Variants in TFDP2 observed in about 807,000 individuals in gnomAD.
TFDP2 encodes the protein transcription factor Dp-2, also known as transcription factor Dp-2 (E2F dimerization partner 2).
A neutral mutation model predicts 59.3 loss-of-function variants in TFDP2; 17 were observed. The observed-to-expected ratio is 0.29, with a 90% CI of 0.20 to 0.43. The LOEUF (loss-of-function observed/expected upper bound fraction) is 0.43, where lower values mean the gene tolerates loss of function less well. TFDP2 is among the 20% of genes least tolerant of loss of function. The pLI, the probability that TFDP2 is intolerant of heterozygous loss-of-function variation, is 1.00. For missense variants in TFDP2, 391 were observed against 528.8 expected, an observed-to-expected ratio of 0.74 and a Z score of 2.56; for synonymous variants, 180 against 194.7, an observed-to-expected ratio of 0.92 and a Z score of 0.63.
chr3:142,136,064 G>A (rs559044918), intron 1 of TFDP2, among the ~76,000 whole-genome samples: 10 of 151,950 alleles, frequency 6.6e-5, no homozygotes, highest in African/African-American at 2.4e-4. Flanking sequence ...TCTCCAGCAC[G>A]TTGTTTCCTG....
At chr3:142,139,253 G>C (rs1344350404) in intron 1 of TFDP2, among the ~76,000 whole-genome samples, 3 of 152,044 alleles carry the variant, frequency 2.0e-5, no homozygotes, top group Non-Finnish European at 2.9e-5. Context: ...TTGAGCCCAT[G>C]TGTGTCTCTG....
chr3:142,070,373 G>T (rs773923079), intron 3 of TFDP2, among the ~76,000 whole-genome samples: 65 of 150,658 alleles, frequency 4.3e-4, no homozygotes, highest in Non-Finnish European at 8.3e-4. Context: ...AAACCCCTGG[G>T]CTCAAGCAAT....
chr3:141,966,567 A>G (rs551395394), intron 9 of TFDP2, among the ~76,000 whole-genome samples: 6 of 151,802 alleles, frequency 4.0e-5, no homozygotes, highest in Non-Finnish European at 8.8e-5. Context: ...TTTTGAACTG[A>G]CTTATTTGTT....
chr3:142,000,276 C>T (rs1202225627), intron 4 of TFDP2: 1 of 702,584 alleles, frequency 1.4e-6, no homozygotes, highest in African/African-American at 1.7e-5. Context: ...CTGAGAGGTC[C>T]AAAATGAAAG....
In TFDP2 at chr3:142,035,698, T is replaced by C. The variant is rs544389684; in HGVS notation, c.83-30154A>G. Among the ~76,000 whole-genome samples, 204 of 152,234 alleles carry C rather than the reference T, an allele frequency of 1.3e-3. 1 individual carries two copies. Among genetic ancestry groups the C allele is most frequent in the African/African-American group, 4.5e-3 (185 of 41,544 alleles). On this transcript the variant is annotated intron_variant, in intron 3 of 12. Coordinates refer to ENST00000489671, the MANE Select transcript of TFDP2 (RefSeq NM_001178139.2). ...GTAATTGAATCATGGGGGCAGGTCT[T>C]TCTGGTGCTGTTCTTGTAATGGTAA...
rs1356147528 is a variant in TFDP2 at position 141,968,286 on chromosome 3, A to AAT, written c.732+1785_732+1786dup. On this transcript the variant is annotated intron_variant, in intron 9 of 12. Transcript: ENST00000489671. ...TATATAATTATATATAATATATAAC[A>AAT]ATATATATAATATATAATATATATA... Among the ~76,000 whole-genome samples, 3 of 129,870 alleles carry AAT rather than the reference A, an allele frequency of 2.3e-5. No individual in the cohort carries two copies. In the East Asian group the frequency reaches 6.2e-4, roughly 27 times the overall value. The allele number at this position is 129,870 out of a possible 152,430, so 85.2% of individuals were successfully genotyped here. A position where few individuals can be genotyped will look rare whatever the true frequency, so the allele number is the denominator to read the frequency against.
In TFDP2 at chr3:142,027,185, C is replaced by A. The variant is rs373172751; in HGVS notation, c.83-21641G>T. Reference sequence around the variant, plus strand: ...AAGTTCAACAGAATTAATTTTCTCACATTTTCATTAATTATACAGGCTACA... The same window carrying A: ...AAGTTCAACAGAATTAATTTTCTCAAATTTTCATTAATTATACAGGCTACA... On this transcript the variant is annotated intron_variant, in intron 3 of 12. Coordinates refer to ENST00000489671, the MANE Select transcript of TFDP2 (RefSeq NM_001178139.2). Among the ~76,000 whole-genome samples, 13 of 151,990 alleles carry A rather than the reference C, an allele frequency of 8.6e-5. 1 individual carries two copies. The highest frequency in any genetic ancestry group is 7.7e-4 in the East Asian group (4 of 5,200).
intron 3 of TFDP2, among the ~76,000 whole-genome samples, chr3:142,025,627 T>C (rs1560055347): frequency 6.6e-6 from 1 of 152,232 alleles, no homozygotes; most frequent in South Asian, 2.1e-4. Flanking sequence ...ATCAGAATTG[T>C]AAAAAAAGTT....
At chr3:142,066,368 T>C (rs930747591) in intron 3 of TFDP2, among the ~76,000 whole-genome samples, 10 of 152,164 alleles carry the variant, frequency 6.6e-5, no homozygotes, top group South Asian at 4.1e-4. Flanking sequence ...ATATTGTAAG[T>C]TGGAAATTCA....
At chr3:142,002,213 T>A (rs1189103032) in intron 4 of TFDP2, among the ~76,000 whole-genome samples, 6 of 152,006 alleles carry the variant, frequency 3.9e-5, no homozygotes, top group Non-Finnish European at 8.8e-5. Flanking sequence ...CAGGCTGTTC[T>A]CGAACTCCTG....
intron 1 of TFDP2, among the ~76,000 whole-genome samples, chr3:142,126,764 T>C (rs989770346): frequency 2.0e-5 from 3 of 151,612 alleles, no homozygotes; most frequent in Non-Finnish European, 4.4e-5. Flanking sequence ...CTGGCCAACA[T>C]GGTGAAACCC....
At chr3:142,043,718 T>C in intron 3 of TFDP2, 1 of 1,237,800 alleles carries the variant, frequency 8.1e-7, no homozygotes, top group South Asian at 1.2e-5. Flanking sequence ...GCTTCCTTGG[T>C]CTTAGACCTG....
At chr3:141,982,400 G>T in intron 6 of TFDP2, among the ~76,000 whole-genome samples, 1 of 151,196 alleles carries the variant, frequency 6.6e-6, no homozygotes. Flanking sequence ...TTTTTTAAAA[G>T]ACTACTCAAG....
chr3:142,133,928 C>T (rs2062611823), intron 1 of TFDP2, among the ~76,000 whole-genome samples: 1 of 151,414 alleles, frequency 6.6e-6, no homozygotes, highest in Non-Finnish European at 1.5e-5. Flanking sequence ...CGGTGGCTCA[C>T]AACTGTAAGG....
intron 2 of TFDP2, among the ~76,000 whole-genome samples, chr3:142,094,193 A>G (rs1458370124): frequency 6.6e-6 from 1 of 152,164 alleles, no homozygotes; most frequent in Non-Finnish European, 1.5e-5. Flanking sequence ...TATTATTACT[A>G]TCAAATACTT....
intron 3 of TFDP2, among the ~76,000 whole-genome samples, chr3:142,056,577 A>G (rs572967841): frequency 5.9e-5 from 9 of 152,298 alleles, no homozygotes; most frequent in Middle Eastern, 6.8e-3. Flanking sequence ...TCTACTTGCT[A>G]TATCTGGCAA....
intron 1 of TFDP2, among the ~76,000 whole-genome samples, chr3:142,131,829 A>C (rs896172425): frequency 2.0e-5 from 3 of 149,658 alleles, no homozygotes; most frequent in African/African-American, 7.6e-5. Context: ...AACATGGCAA[A>C]ATCCCATCTC....
At chr3:141,980,695 C>A (rs1292428546) in intron 6 of TFDP2, among the ~76,000 whole-genome samples, 1 of 152,056 alleles carries the variant, frequency 6.6e-6, no homozygotes, top group East Asian at 1.9e-4. Context: ...ACCCCCATGA[C>A]TGGCTAATTT....
chr3:142,100,919 G>A (rs1275742282), intron 2 of TFDP2, among the ~76,000 whole-genome samples: 15 of 152,040 alleles, frequency 9.9e-5, no homozygotes, highest in Admixed American at 3.3e-4. Flanking sequence ...TCTTTCTGAG[G>A]GCCCATAAAA....
Sources: gnomAD v4.1 joint callset for allele counts (sites outside exome capture counted in the v4.1 genomes callset) on GRCh38, gnomAD v4.1.1 for gene constraint, MANE v1.5 for transcripts, NCBI Gene and HGNC (gene_info 2026-07-23, HGNC 2026-07-21) for gene names.